Variants in RBFOX1 observed in about 807,000 individuals in gnomAD.
RBFOX1 encodes the protein RNA binding protein fox-1 homolog 1.
In RBFOX1, 8 loss-of-function variants were observed where a neutral mutation model predicts 57.7. The observed-to-expected ratio is 0.14, with a 90% CI of 0.08 to 0.25. The LOEUF is 0.25. RBFOX1 is among the 10% of genes least tolerant of loss of function. The pLI is 1.00. For synonymous variants in RBFOX1, 326 were observed against 222.4 expected, an observed-to-expected ratio of 1.47 and a Z score of -4.15; for missense variants, 611 against 548.5, an observed-to-expected ratio of 1.11 and a Z score of -1.14.
At chr16:5,581,847 T>C (rs965259311) in intron 2 of RBFOX1, among the ~76,000 whole-genome samples, 8 of 152,070 alleles carry the variant, frequency 5.3e-5, no homozygotes, top group Non-Finnish European at 8.8e-5. Flanking sequence ...GGATATTATC[T>C]AGGGACAAAG....
At position 5,563,427 on chromosome 16, in the gene RBFOX1, C is replaced by T. The variant is rs191942232; in HGVS notation, c.259-35475C>T. On this transcript the variant is annotated intron_variant, in intron 2 of 2. Transcript: ENST00000585867. ...TATCTACTGAACTACAATGCTTAAACTGTTGAAATAATAGTTTTCTGGAAT... is the reference window on the plus strand; with the variant it reads ...TATCTACTGAACTACAATGCTTAAATTGTTGAAATAATAGTTTTCTGGAAT... Among the ~76,000 whole-genome samples, 7 of 152,298 alleles carry T rather than the reference C, an allele frequency of 4.6e-5. No individual in the cohort carries two copies. In the East Asian group the frequency reaches 1.4e-3, roughly 29 times the overall value.
chr16:5,339,201 T>C (rs528447202), intron 1 of RBFOX1, among the ~76,000 whole-genome samples: 2 of 152,242 alleles, frequency 1.3e-5, no homozygotes, highest in Admixed American at 1.3e-4. Context: ...TGTCCTACTC[T>C]CTATTTTTAT....
intron 4 of RBFOX1, among the ~76,000 whole-genome samples, chr16:5,961,830 C>G (rs1035680029): frequency 6.6e-6 from 1 of 152,162 alleles, no homozygotes; most frequent in African/African-American, 2.4e-5. Flanking sequence ...GTCCCGCCTC[C>G]CCTTGTTCTC....
At chr16:6,307,938 C>G (rs1280252820) in intron 1 of RBFOX1, among the ~76,000 whole-genome samples, 1 of 146,864 alleles carries the variant, frequency 6.8e-6, no homozygotes, top group South Asian at 2.2e-4. Context: ...ATCATATATT[C>G]ATTTAGGTTG....
chr16:7,474,118 C>G (rs1408152797), intron 4 of RBFOX1, among the ~76,000 whole-genome samples: 2 of 152,070 alleles, frequency 1.3e-5, no homozygotes, highest in African/African-American at 4.8e-5. Context: ...GAAACTCTGT[C>G]TCTACTAAAA....
At chr16:6,948,116 G>A (rs529518719) in intron 3 of RBFOX1, among the ~76,000 whole-genome samples, 38 of 152,132 alleles carry the variant, frequency 2.5e-4, no homozygotes, top group African/African-American at 7.5e-4. Flanking sequence ...TTGAGAAGGA[G>A]TAGAAAACAA....
chr16:7,210,808 G>A (rs190093957), intron 4 of RBFOX1, among the ~76,000 whole-genome samples: 78 of 152,188 alleles, frequency 5.1e-4, no homozygotes, highest in Admixed American at 3.4e-3. Context: ...CTGTGTGTGA[G>A]CAAGTCTAGA....
intron 1 of RBFOX1, among the ~76,000 whole-genome samples, chr16:5,294,101 T>C (rs1156978517): frequency 6.6e-6 from 1 of 152,058 alleles, no homozygotes; most frequent in East Asian, 1.9e-4. Context: ...TGGTGGTGCA[T>C]GCCTGTAATC....
chr16:5,629,338 C>G (rs61285738), intron 3 of RBFOX1, among the ~76,000 whole-genome samples: 2 of 152,128 alleles, frequency 1.3e-5, no homozygotes, highest in Non-Finnish European at 2.9e-5. Context: ...GATACAGCAG[C>G]TAACAAGAGC....
chr16:7,166,011 A>G (rs1488117105), intron 4 of RBFOX1, among the ~76,000 whole-genome samples: 16 of 150,696 alleles, frequency 1.1e-4, no homozygotes, highest in Admixed American at 2.6e-4. Flanking sequence ...TGCATAGTCT[A>G]TTTTTGTTGT....
chr16:7,583,729 C>G (rs946838704), intron 6 of RBFOX1, among the ~76,000 whole-genome samples: 1 of 152,006 alleles, frequency 6.6e-6, no homozygotes, highest in Admixed American at 6.6e-5. Flanking sequence ...ACCTGTAATC[C>G]CAGCACTTTG....
intron 2 of RBFOX1, among the ~76,000 whole-genome samples, chr16:6,331,246 G>A (rs1400741359): frequency 6.6e-6 from 1 of 152,120 alleles, no homozygotes; most frequent in East Asian, 1.9e-4. Context: ...AGGAGTTTGA[G>A]ACCAGCCTGA....
At chr16:6,954,276 C>T (rs1170031024) in intron 3 of RBFOX1, among the ~76,000 whole-genome samples, 7 of 152,092 alleles carry the variant, frequency 4.6e-5, no homozygotes, top group Non-Finnish European at 4.4e-5. Flanking sequence ...CGATTCTGGT[C>T]ATCTCGCCAA....
chr16:6,598,101 T>C (rs1008934821), intron 2 of RBFOX1, among the ~76,000 whole-genome samples: 9 of 152,234 alleles, frequency 5.9e-5, no homozygotes, highest in Non-Finnish European at 1.2e-4. Context: ...GGCATCCTTA[T>C]AGATGCACCT....
At chr16:5,963,587 G>T (rs1291492516) in intron 4 of RBFOX1, among the ~76,000 whole-genome samples, 1 of 152,164 alleles carries the variant, frequency 6.6e-6, no homozygotes, top group African/African-American at 2.4e-5. Flanking sequence ...TTAATAGAGA[G>T]CTCAGAAATA....
chr16:5,746,045 T>A (rs1217490396), intron 3 of RBFOX1, among the ~76,000 whole-genome samples: 2 of 152,196 alleles, frequency 1.3e-5, no homozygotes, highest in African/African-American at 4.8e-5. Context: ...ATGCCTAGGT[T>A]TTCTTGTAGG....
intron 4 of RBFOX1, among the ~76,000 whole-genome samples, chr16:7,336,889 T>G (rs1190557002): frequency 1.3e-5 from 2 of 152,200 alleles, no homozygotes; most frequent in African/African-American, 4.8e-5. Context: ...TTTATAGACT[T>G]TCTTTATCCC....
In RBFOX1 at chr16:5,943,173, C is replaced by T. The variant is rs574496736; in HGVS notation, c.351+75838C>T. Among the ~76,000 whole-genome samples, 8 of 152,334 alleles carry T rather than the reference C, an allele frequency of 5.3e-5. No individual in the cohort carries two copies. In the East Asian group the frequency reaches 7.7e-4, roughly 15 times the overall value. On this transcript the variant is annotated intron_variant, in intron 4 of 19. Coordinates refer to the RBFOX1 transcript ENST00000641259. ...GATCAGCACCTCCATATGCCCAAGC[C>T]AGTGCTTCTAGGTGTAGCCCCTGGA...
intron 3 of RBFOX1, among the ~76,000 whole-genome samples, chr16:6,953,085 C>T (rs910540174): frequency 1.3e-5 from 2 of 152,136 alleles, no homozygotes; most frequent in African/African-American, 4.8e-5. Flanking sequence ...GCCACAAATA[C>T]AAAAACAAAG....
Sources: gnomAD v4.1 joint callset for allele counts (sites outside exome capture counted in the v4.1 genomes callset) on GRCh38, gnomAD v4.1.1 for gene constraint, MANE v1.5 for transcripts, NCBI Gene and HGNC (gene_info 2026-07-23, HGNC 2026-07-21) for gene names.